RYR3: variants seen among roughly 807,000 people sequenced by gnomAD.
The protein encoded by RYR3 is brain ryanodine receptor-calcium release channel.
Under a neutral mutation model 584.3 loss-of-function variants are expected in RYR3, and 207 were observed. That is an observed-to-expected ratio of 0.35 (90% CI 0.32 to 0.40). The LOEUF (loss-of-function observed/expected upper bound fraction) is 0.40, where lower values mean the gene tolerates loss of function less well. Ranked by LOEUF, RYR3 falls within the 10% of genes least tolerant of loss-of-function variation. The pLI is 1.00. For synonymous variants in RYR3, 2,416 were observed against 2,248.5 expected (o/e 1.07, Z -2.11); for missense variants, 5,616 against 6,089.2 (o/e 0.92, Z 2.59).
In RYR3 at chr15:33,853,037, T is replaced by G; in HGVS notation, c.13629-8T>G. 1 of 1,603,890 alleles carries G rather than the reference T, an allele frequency of 6.2e-7. No homozygotes were observed. Among genetic ancestry groups the G allele is most frequent in the Non-Finnish European group, 8.5e-7 (1 of 1,175,226 alleles). On this transcript the variant is annotated splice_polypyrimidine_tract_variant and splice_region_variant and intron_variant, in intron 94 of 103. Transcript: ENST00000634891. ...TGAAGAACCAACCTTTTTCGTTTTG[T>G]TTTTCAGATCTTTTCCTAATAACTA...
intron 38 of RYR3, among the ~76,000 whole-genome samples, chr15:33,693,057 T>C (rs2065560675): frequency 1.3e-5 from 2 of 152,264 alleles, no homozygotes; most frequent in African/African-American, 4.8e-5. Context: ...CTGCAGAGAA[T>C]TGTTTTGTTA....
chr15:33,602,524 T>G (rs1567639063), intron 17 of RYR3, among the ~76,000 whole-genome samples: 1 of 152,028 alleles, frequency 6.6e-6, no homozygotes, highest in Non-Finnish European at 1.5e-5. Flanking sequence ...TCAAGTAAAT[T>G]TTTTTTAACT....
At chr15:33,391,817 C>G (rs1220602726) in intron 1 of RYR3, among the ~76,000 whole-genome samples, 4 of 152,140 alleles carry the variant, frequency 2.6e-5, no homozygotes, top group Admixed American at 2.0e-4. Flanking sequence ...GGGTGTAGGA[C>G]TCTTCCACAA....
chr15:33,448,623 G>A (rs2046862285), intron 1 of RYR3, among the ~76,000 whole-genome samples: 2 of 152,178 alleles, frequency 1.3e-5, no homozygotes, highest in Non-Finnish European at 2.9e-5. Flanking sequence ...TAATGATGAG[G>A]GCCTTTTGCT....
At chr15:33,341,666 T>A (rs1595779606) in intron 1 of RYR3, among the ~76,000 whole-genome samples, 1 of 152,000 alleles carries the variant, frequency 6.6e-6, no homozygotes, top group Non-Finnish European at 1.5e-5. Flanking sequence ...TGTTGTAGGA[T>A]GTTAAAGGCT....
intron 70 of RYR3, 73 bp from the exon 71 acceptor site, chr15:33,810,406 G>A: frequency 1.3e-6 from 2 of 1,518,484 alleles, no homozygotes; most frequent in Non-Finnish European, 1.8e-6. Context: ...GAGGCAGGCT[G>A]CCTCTGACAG....
chr15:33,646,296 T>G, intron 28 of RYR3, 55 bp from the exon 29 acceptor site: 2 of 1,479,120 alleles, frequency 1.4e-6, no homozygotes, highest in South Asian at 2.7e-5. Flanking sequence ...AAAAAGGGAC[T>G]GGGTCAAGGT....
intron 49 of RYR3, among the ~76,000 whole-genome samples, 175 bp downstream of exon 49, chr15:33,736,500 C>T (rs28491816): frequency 2.6e-3 from 399 of 152,222 alleles, no homozygotes; most frequent in Non-Finnish European, 4.4e-3. Flanking sequence ...TCTTGAATGC[C>T]GAGGTTGAAG....
rs147418867 is a variant in RYR3, at chr15:33,446,990, C to T, written c.52-26429C>T. Among the ~76,000 whole-genome samples the T allele has an allele frequency of 5.2e-3, 793 of 152,330 alleles. 5 individuals carry two copies. Among genetic ancestry groups the T allele is most frequent in the African/African-American group, 0.018 (759 of 41,568 alleles). On this transcript the variant is annotated intron_variant, in intron 1 of 103. Transcript: ENST00000634891. ...GGAGTTGATGGCAGACTCTTCTATG[C>T]CATTGTAGAGTGCGTCTCACCCTGC...
At chr15:33,711,939 C>T (rs1475743939) in intron 43 of RYR3, among the ~76,000 whole-genome samples, 4 of 152,182 alleles carry the variant, frequency 2.6e-5, no homozygotes, top group Non-Finnish European at 4.4e-5. Flanking sequence ...AGTATTAGTC[C>T]ATTCTTGCAT....
rs766667592 is a variant in RYR3 at position 33,838,661 on chromosome 15, A to T, written c.12681A>T (p.Arg4227Ser). 6.2e-7 allele frequency: 1 copy of T among 1,613,970 alleles called. No homozygotes were observed. Among genetic ancestry groups the T allele is most frequent in the Non-Finnish European group, 8.5e-7 (1 of 1,179,866 alleles). The change falls in exon 89 of 104, where the codon AGA (arginine) becomes AGT (serine). Residue 4227 changes from arginine to serine, a missense_variant. Around this residue, in one of 9 missense-constraint regions of RYR3, gnomAD observed 918 missense variants for 887.4 expected, o/e 1.03. Coordinates refer to ENST00000634891, the MANE Select transcript of RYR3 (RefSeq NM_001036.6). ...TGGTAGAAGGGGCAAAGAACATCAG[A>T]GTGACCAAGATCCTGGGTGACATGC... Reference protein sequence around the residue: ...GGLVEGAKNIRVTKILGDMPD... With the variant: ...GGLVEGAKNISVTKILGDMPD...
chr15:33,750,393 T>C, intron 57 of RYR3, 107 bp downstream of exon 57: 1 of 1,094,938 alleles, frequency 9.1e-7, no homozygotes, highest in Non-Finnish European at 1.3e-6. Flanking sequence ...TTGAGTCTTT[T>C]AAAATGAGAA....
intron 1 of RYR3, among the ~76,000 whole-genome samples, chr15:33,386,933 C>T (rs1324545215): frequency 6.6e-6 from 1 of 152,098 alleles, no homozygotes; most frequent in Non-Finnish European, 1.5e-5. Flanking sequence ...TCTCAGCTCA[C>T]TGCAAGCTCC....
chr15:33,698,019 G>T (rs1304407328), intron 40 of RYR3, 23 bp downstream of exon 40: 1 of 1,520,866 alleles, frequency 6.6e-7, no homozygotes, highest in Admixed American at 1.7e-5. Flanking sequence ...GGAGAACCTA[G>T]CCAGAACTTG....
At chr15:33,380,095 C>T (rs898412845) in intron 1 of RYR3, among the ~76,000 whole-genome samples, 7 of 152,174 alleles carry the variant, frequency 4.6e-5, no homozygotes, top group African/African-American at 1.4e-4. Flanking sequence ...CTTCCTCTCC[C>T]AGTTCACTGA....
intron 13 of RYR3, 112 bp from the exon 14 acceptor site, chr15:33,581,396 C>A: frequency 9.3e-7 from 1 of 1,078,976 alleles, no homozygotes; most frequent in African/African-American, 1.6e-5. Flanking sequence ...GGTCTATTTG[C>A]ATATTGGCAT....
intron 42 of RYR3, among the ~76,000 whole-genome samples, chr15:33,705,658 G>T (rs2066655855): frequency 6.6e-6 from 1 of 152,230 alleles, no homozygotes; most frequent in Non-Finnish European, 1.5e-5. Context: ...TAAGTGTCTG[G>T]TAACCTGGAA....
chr15:33,584,994 A>G (rs191477652), intron 15 of RYR3, among the ~76,000 whole-genome samples: 12 of 152,136 alleles, frequency 7.9e-5, no homozygotes, highest in Admixed American at 5.9e-4. Context: ...CTCCCTCATG[A>G]CTTACGGAGA....
chr15:33,843,019 T>G (rs2078473390), intron 91 of RYR3, among the ~76,000 whole-genome samples: 2 of 151,990 alleles, frequency 1.3e-5, no homozygotes, highest in African/African-American at 4.8e-5. Flanking sequence ...GCCATGGCTG[T>G]GTTAAGAATG....
Sources: allele counts gnomAD v4.1 joint callset (sites outside exome capture counted in the v4.1 genomes callset), GRCh38; gene constraint gnomAD v4.1.1; regional missense constraint gnomAD v4.1.1; transcripts MANE v1.5; gene names NCBI Gene and HGNC (gene_info 2026-07-23, HGNC 2026-07-21).